Variants in HIF3A observed in about 807,000 individuals in gnomAD.
HIF3A encodes hypoxia-inducible factor 3-alpha.
HIF3A carries 41 observed loss-of-function variants against 67.2 expected under a neutral mutation model. That is an observed-to-expected ratio of 0.61 (90% CI 0.48 to 0.79). The LOEUF (loss-of-function observed/expected upper bound fraction) is 0.79, where lower values mean the gene tolerates loss of function less well. Among genes scored for constraint, HIF3A ranks in the 30% least tolerant of loss-of-function variants. The probability of loss-of-function intolerance (pLI) is 0.00; values close to 1 mark genes in which losing one functional copy is unlikely to be tolerated. For missense variants in HIF3A, 855 were observed against 898.0 expected, an observed-to-expected ratio of 0.95 and a Z score of 0.61; for synonymous variants, 356 against 374.8, an observed-to-expected ratio of 0.95 and a Z score of 0.58.
Position 46,312,504 on chromosome 19 carries a change from A to G in HIF3A, c.878-2A>G. 1.9e-6 allele frequency: 3 copies of G among 1,613,416 alleles called. No individual in the cohort carries two copies. Among genetic ancestry groups the G allele is most frequent in the Non-Finnish European group, 2.5e-6 (3 of 1,179,848 alleles). On this transcript the variant is annotated splice_acceptor_variant, in intron 7 of 14. Transcript: ENST00000377670. LOFTEE classifies it high-confidence loss of function. ...CTGATCCCTCCCGATCCCCCTCCTC[A>G]GTGCTGAGCAAGGGCCAGGCAGTAA...
At chr19:46,301,066 C>T (rs549566760) in intron 1 of HIF3A, among the ~76,000 whole-genome samples, 31 of 152,136 alleles carry the variant, frequency 2.0e-4, no homozygotes, top group Non-Finnish European at 3.1e-4. Context: ...CAGAACAGGA[C>T]GGAATGTCCT....
rs1461659148 is a variant in HIF3A, at chr19:46,343,243, G to A, written c.*3621G>A. 6.6e-6 allele frequency: 1 copy of A among 152,278 alleles called. No individual in the cohort carries two copies. The highest frequency in any genetic ancestry group is 1.5e-5 in the Non-Finnish European group (1 of 68,144). The allele number at this position is 152,278 out of a possible 1,614,324, so 9.4% of individuals were successfully genotyped here. On this transcript the variant is annotated 3_prime_UTR_variant, in exon 15 of 15. Coordinates refer to ENST00000377670, the MANE Select transcript of HIF3A (RefSeq NM_152795.4). ...AGGCACTGCTCGCTCTGTTTTGTCA[G>A]AGAGTGGCCTATCCAGATTGGTGCT...
intron 2 of HIF3A, among the ~76,000 whole-genome samples, chr19:46,304,480 GC>G (rs1333460441): frequency 1.3e-5 from 2 of 152,042 alleles, no homozygotes; most frequent in African/African-American, 4.8e-5. Context: ...AGGCTGCGCC[GC>G]CCAACTTTTC....
In HIF3A at chr19:46,308,765, C is replaced by A; in HGVS notation, c.551C>A (p.Ala184Asp). Residue 184 changes from alanine to aspartate, a missense_variant, in exon 5 of 15, where the codon GCC becomes GAC. Ala to Asp is a moderately radical substitution (Grantham distance 126). This residue lies in a region of HIF3A where 638 missense variants were observed against 660.5 expected (regional missense o/e 0.97). Transcript: ENST00000377670. ...GGGCGCACCCTCAACCTCAAGGCGG[C>A]CACCTGGAAGGTGCGTGGGGCCGGG... ...SRGRTLNLKA[A>D]TWKVLNCSGH... 6.2e-7 allele frequency: 1 copy of A among 1,604,050 alleles called. No individual in the cohort carries two copies. Among genetic ancestry groups the A allele is most frequent in the South Asian group, 1.1e-5 (1 of 89,734 alleles).
intron 3 of HIF3A, chr19:46,306,615 G>C (rs2147138332): frequency 6.6e-6 from 1 of 152,302 alleles, no homozygotes; most frequent in Admixed American, 6.5e-5. Flanking sequence ...CTTACAGCAA[G>C]GCCTACAAGA....
intron 1 of HIF3A, 174 bp from the exon 2 acceptor site, chr19:46,303,724 C>T: frequency 6.4e-7 from 1 of 1,553,406 alleles, no homozygotes; most frequent in Non-Finnish European, 8.7e-7. Context: ...ACAGTGTAGC[C>T]CTTCCAGGCC....
chr19:46,304,016 G>A lies in HIF3A; in HGVS notation c.145G>A (p.Ala49Thr), dbSNP rs919326700. ...GCTGCCCTTCGCCCGCGGCGTCAGC[G>A]CCCACCTGGACAAGGCCTCTATCAT... Reference protein sequence around the residue: ...HTLPFARGVSAHLDKASIMRL... With the variant: ...HTLPFARGVSTHLDKASIMRL... Residue 49 changes from alanine (A) to threonine (T), a missense_variant, in exon 2 of 15, where the codon GCC (alanine) becomes ACC (threonine). Ala to Thr is a moderately conservative substitution (Grantham distance 58). This residue lies in a region of HIF3A where 638 missense variants were observed against 660.5 expected (regional missense o/e 0.97). Coordinates refer to ENST00000377670, the MANE Select transcript of HIF3A (RefSeq NM_152795.4). 16 of 1,593,242 alleles carry A rather than the reference G, an allele frequency of 1.0e-5. No homozygotes were observed. The highest frequency in any genetic ancestry group is 1.7e-5 in the Admixed American group (1 of 57,440).
chr19:46,312,781 A>G, intron 8 of HIF3A, 128 bp downstream of exon 8: 1 of 1,416,658 alleles, frequency 7.1e-7, no homozygotes, highest in South Asian at 1.6e-5. Context: ...TATGTGAGGG[A>G]GTGTGCACGT....
At chr19:46,319,464 A>G (rs1229685806) in intron 8 of HIF3A, among the ~76,000 whole-genome samples, 1 of 152,018 alleles carries the variant, frequency 6.6e-6, no homozygotes, top group Non-Finnish European at 1.5e-5. Flanking sequence ...GAGCATTTAG[A>G]TTGTCTCTGC....
chr19:46,305,341 A>G lies in HIF3A; in HGVS notation c.314A>G (p.Asp105Gly), dbSNP rs759599284. 4 of 1,614,092 alleles carry G rather than the reference A, an allele frequency of 2.5e-6. No individual in the cohort carries two copies. The highest frequency in any genetic ancestry group is 3.4e-6 in the Non-Finnish European group (4 of 1,180,014). The change falls in exon 3 of 15, where the codon GAC (aspartate) becomes GGC (glycine). Residue 105 changes from aspartate to glycine, a missense_variant. Physicochemically the swap from Asp to Gly is moderately conservative, Grantham distance 94. Transcript: ENST00000377670. ...GTCATGGTGCTCACCGCCGAGGGAG[A>G]CATGGCTTACCTGTCGGAGAATGTC... ...GFVMVLTAEG[D>G]MAYLSENVSK... is the part of the protein sequence containing the mutation.
intron 10 of HIF3A, among the ~76,000 whole-genome samples, chr19:46,325,075 C>T (rs184061176): frequency 2.0e-5 from 3 of 150,266 alleles, no homozygotes; most frequent in African/African-American, 7.3e-5. Context: ...TAGCTCACTG[C>T]AGCCTCTGCT....
intron 14 of HIF3A, among the ~76,000 whole-genome samples, chr19:46,335,361 C>T (rs1436688656): frequency 2.6e-5 from 4 of 151,924 alleles, no homozygotes; most frequent in African/African-American, 9.7e-5. Context: ...CCTCCGCCTC[C>T]CAGGTTCAAG....
intron 14 of HIF3A, chr19:46,338,555 C>T: frequency 1.1e-5 from 12 of 1,111,286 alleles, no homozygotes; most frequent in Non-Finnish European, 1.2e-5. Context: ...GTGTGAGTAT[C>T]CTGGTTTCCC....
intron 1 of HIF3A, chr19:46,298,543 C>A: frequency 8.0e-7 from 1 of 1,247,322 alleles, no homozygotes; most frequent in Non-Finnish European, 1.0e-6. Context: ...CCTCCTTTCC[C>A]CCTTCCCTTC....
At chr19:46,313,077 C>A in intron 8 of HIF3A, 2 of 763,764 alleles carry the variant, frequency 2.6e-6, no homozygotes, top group Non-Finnish European at 3.2e-6. Context: ...TGACGAAATG[C>A]TGTTTCTACT....
intron 8 of HIF3A, among the ~76,000 whole-genome samples, chr19:46,319,613 C>A (rs746888158): frequency 9.9e-5 from 15 of 152,184 alleles, no homozygotes; most frequent in Non-Finnish European, 1.9e-4. Flanking sequence ...CCTATGAATT[C>A]TTCCTATTTG....
chr19:46,336,283 A>G (rs929303177), intron 14 of HIF3A, among the ~76,000 whole-genome samples: 5 of 151,612 alleles, frequency 3.3e-5, no homozygotes, highest in African/African-American at 1.2e-4. Context: ...TAGTAGAGAC[A>G]GGGTTTCACC....
intron 11 of HIF3A, among the ~76,000 whole-genome samples, chr19:46,327,471 A>G (rs1970874300): frequency 6.6e-6 from 1 of 152,076 alleles, no homozygotes; most frequent in Non-Finnish European, 1.5e-5. Context: ...GCCCACTACC[A>G]TGCCCAGCCA....
chr19:46,316,839 C>A (rs115664486), intron 8 of HIF3A, among the ~76,000 whole-genome samples: 8,433 of 150,936 alleles, frequency 0.056, 441 homozygotes, highest in African/African-American at 0.13. Flanking sequence ...TATACCTTTT[C>A]TTTGAAGAAG....
Sources: allele counts gnomAD v4.1 joint callset (sites outside exome capture counted in the v4.1 genomes callset), GRCh38; gene constraint gnomAD v4.1.1; regional missense constraint gnomAD v4.1.1; transcripts MANE v1.5; gene names NCBI Gene and HGNC (gene_info 2026-07-23, HGNC 2026-07-21).